The following FRMD4B variants were observed in gnomAD, a reference collection of about 807,000 sequenced individuals.
The protein encoded by FRMD4B is FERM domain containing 4B, also known as FERM domain-containing protein 4B.
FRMD4B carries 74 observed loss-of-function variants against 141.5 expected under a neutral mutation model. The observed-to-expected ratio is 0.52, with a 90% CI of 0.43 to 0.63. FRMD4B has a LOEUF of 0.63. FRMD4B is among the 30% of genes least tolerant of loss of function. The pLI, the probability that FRMD4B is intolerant of heterozygous loss-of-function variation, is 0.00. For missense variants in FRMD4B, 1,366 were observed against 1,253.4 expected (o/e 1.09, Z -1.36); for synonymous variants, 506 against 467.9 (o/e 1.08, Z -1.05).
Position 69,224,706 on chromosome 3 carries a change from A to G in FRMD4B, c.582-16T>C, listed in dbSNP as rs751532403. On this transcript the variant is annotated splice_polypyrimidine_tract_variant and intron_variant, in intron 7 of 22. Coordinates refer to ENST00000398540, the MANE Select transcript of FRMD4B (RefSeq NM_015123.3). ...ATTTTCATCACTAAAAAGAAATGGA[A>G]TATGGTAATGTCAGGTACTGTTATC... is the stretch of plus-strand genomic sequence containing the variant. 7.7e-7 allele frequency: 1 copy of G among 1,298,794 alleles called. No individual in the cohort carries two copies. The highest frequency in any genetic ancestry group is 1.3e-5 in the South Asian group (1 of 79,778). 80.5% of individuals were successfully genotyped at this position (1,298,794 alleles called of 1,614,324 possible). A position where few individuals can be genotyped will look rare whatever the true frequency, so the allele number is the denominator to read the frequency against.
intron 1 of FRMD4B, among the ~76,000 whole-genome samples, chr3:69,343,115 G>A (rs1702795380): frequency 6.9e-6 from 1 of 144,368 alleles, no homozygotes; most frequent in Admixed American, 7.0e-5. Flanking sequence ...CACCACATCT[G>A]CCTAATTTTT....
At chr3:69,203,084 TAAAA>T (rs11313220) in intron 11 of FRMD4B, among the ~76,000 whole-genome samples, 1 of 137,470 alleles carries the variant, frequency 7.3e-6, no homozygotes, top group Non-Finnish European at 1.6e-5. Context: ...TAAGATGAAG[TAAAA>T]AAAAAAAAAA....
intron 1 of FRMD4B, among the ~76,000 whole-genome samples, chr3:69,335,131 C>T (rs113634222): frequency 0.023 from 3,468 of 152,122 alleles, 117 homozygotes; most frequent in African/African-American, 0.068. Context: ...GCTATGGTCA[C>T]GCCACTGCAC....
At chr3:69,503,334 A>G (rs1575593609) in intron 1 of FRMD4B, among the ~76,000 whole-genome samples, 1 of 152,078 alleles carries the variant, frequency 6.6e-6, no homozygotes, top group Non-Finnish European at 1.5e-5. Context: ...GCACATATAT[A>G]CCATGGAATA....
intron 1 of FRMD4B, among the ~76,000 whole-genome samples, chr3:69,375,248 CAT>C: frequency 3.0e-5 from 1 of 33,104 alleles, no homozygotes; most frequent in African/African-American, 8.8e-5. Context: ...CCATCCCATC[CAT>C]CCATCCACCC....
chr3:69,224,792 A>G lies in FRMD4B; in HGVS notation c.582-102T>C, dbSNP rs1008189355. The G allele has an allele frequency of 4.4e-6, 3 of 676,708 alleles. 1 individual carries two copies. In the South Asian group the frequency reaches 5.1e-5, roughly 12 times the overall value. The allele number at this position is 676,708 out of a possible 1,614,324, so 41.9% of individuals were successfully genotyped here. A position where few individuals can be genotyped will look rare whatever the true frequency, so the allele number is the denominator to read the frequency against. On this transcript the variant is annotated intron_variant, in intron 7 of 22. Coordinates refer to ENST00000398540, the MANE Select transcript of FRMD4B (RefSeq NM_015123.3). ...GATTAAAAAAATAACTATTTACAGC[A>G]TGTTGGAGCCAACATACACATGGTT...
At chr3:69,330,043 C>T (rs1369603141) in intron 1 of FRMD4B, among the ~76,000 whole-genome samples, 1 of 152,126 alleles carries the variant, frequency 6.6e-6, no homozygotes, top group Non-Finnish European at 1.5e-5. Context: ...TGTCATTTGC[C>T]TTTCCAGCTC....
intron 12 of FRMD4B, chr3:69,198,212 CT>C (rs59627470): frequency 0.098 from 14,292 of 145,934 alleles, 1,079 homozygotes; most frequent in East Asian, 0.35. Flanking sequence ...GGTAATTTGG[CT>C]TTTTTTTTTT....
At chr3:69,250,229 C>A in intron 5 of FRMD4B, 130 bp from the exon 6 acceptor site, 1 of 745,190 alleles carries the variant, frequency 1.3e-6, no homozygotes, top group Non-Finnish European at 2.5e-6. Flanking sequence ...CATACCATTG[C>A]AGGGGAAAGT....
At chr3:69,185,621 C>T (rs182275114) in intron 19 of FRMD4B, among the ~76,000 whole-genome samples, 112 of 152,236 alleles carry the variant, frequency 7.4e-4, no homozygotes, top group African/African-American at 2.6e-3. Flanking sequence ...TATTCATGGT[C>T]CCTGGCCCTC....
intron 1 of FRMD4B, among the ~76,000 whole-genome samples, chr3:69,487,961 C>T (rs1706244085): frequency 6.6e-6 from 1 of 151,704 alleles, no homozygotes; most frequent in Non-Finnish European, 1.5e-5. Context: ...GTATGTATCA[C>T]CTAATTTAAA....
chr3:69,210,645 C>T (rs924652304), intron 11 of FRMD4B, among the ~76,000 whole-genome samples: 2 of 152,024 alleles, frequency 1.3e-5, no homozygotes, highest in African/African-American at 2.4e-5. Context: ...CTTTAATTTG[C>T]GTCACACCTT....
intron 7 of FRMD4B, among the ~76,000 whole-genome samples, chr3:69,227,409 TC>T (rs1338653561): frequency 6.6e-6 from 1 of 152,102 alleles, no homozygotes; most frequent in Non-Finnish European, 1.5e-5. Flanking sequence ...TAGCCTATAA[TC>T]CCAGCGCTTT....
chr3:69,430,307 A>G (rs900625529), intron 2 of FRMD4B, among the ~76,000 whole-genome samples: 1 of 152,188 alleles, frequency 6.6e-6, no homozygotes, highest in Non-Finnish European at 1.5e-5. Flanking sequence ...ACGTACTGCC[A>G]CAAGAGGCCC....
chr3:69,303,552 CATATGTTA>C (rs1701289407), intron 3 of FRMD4B, among the ~76,000 whole-genome samples: 2 of 152,016 alleles, frequency 1.3e-5, no homozygotes, highest in African/African-American at 4.8e-5. Flanking sequence ...AAAACTAGGC[CATATGTTA>C]ATATTAAATT....
chr3:69,173,480 G>C (rs572688746), intron 22 of FRMD4B, among the ~76,000 whole-genome samples: 9 of 152,140 alleles, frequency 5.9e-5, no homozygotes, highest in African/African-American at 2.2e-4. Flanking sequence ...GGAAAATCTA[G>C]TTTTTCATTT....
At chr3:69,193,901 T>C in intron 16 of FRMD4B, 28 bp from the exon 17 acceptor site, 1 of 1,373,818 alleles carries the variant, frequency 7.3e-7, no homozygotes, top group Non-Finnish European at 1.0e-6. Flanking sequence ...TAGTTTTATT[T>C]TTATGGACAC....
intron 1 of FRMD4B, among the ~76,000 whole-genome samples, chr3:69,368,636 A>T (rs913772429): frequency 1.3e-5 from 2 of 152,200 alleles, no homozygotes; most frequent in African/African-American, 4.8e-5. Context: ...GAAGTAGCCC[A>T]TGGCATACTC....
chr3:69,246,033 C>A (rs2093423632), intron 7 of FRMD4B, among the ~76,000 whole-genome samples: 1 of 151,668 alleles, frequency 6.6e-6, no homozygotes, highest in African/African-American at 2.4e-5. Context: ...AACAGGGTTT[C>A]TCCATGTTGG....
Sources: allele counts gnomAD v4.1 joint callset (sites outside exome capture counted in the v4.1 genomes callset), GRCh38; gene constraint gnomAD v4.1.1; transcripts MANE v1.5; gene names NCBI Gene and HGNC (gene_info 2026-07-23, HGNC 2026-07-21).